SLCO2A1: variants seen among roughly 807,000 people sequenced by gnomAD.
The protein encoded by SLCO2A1 is solute carrier organic anion transporter family member 2A1, also known as matrin F/G 1.
Under a neutral mutation model 71.7 loss-of-function variants are expected in SLCO2A1, and 60 were observed. The ratio of observed to expected loss-of-function variants is 0.84; its 90% CI spans 0.68 to 1.04. The LOEUF (loss-of-function observed/expected upper bound fraction) is 1.04, where lower values mean the gene tolerates loss of function less well. Ranked by LOEUF, SLCO2A1 falls within the 50% of genes least tolerant of loss-of-function variation. The probability of loss-of-function intolerance (pLI) is 0.00; values close to 1 mark genes in which losing one functional copy is unlikely to be tolerated. For synonymous variants in SLCO2A1, 308 were observed against 326.7 expected (o/e 0.94, Z 0.62); for missense variants, 745 against 813.4 (o/e 0.92, Z 1.02).
chr3:133,951,496 TC>T, intron 5 of SLCO2A1, 152 bp from the exon 6 acceptor site: 1 of 897,782 alleles, frequency 1.1e-6, no homozygotes, highest in Non-Finnish European at 1.7e-6. Context: ...AAAACAACAT[TC>T]CCTCTCCCAG....
At chr3:134,000,837 G>C (rs1211199252) in intron 1 of SLCO2A1, among the ~76,000 whole-genome samples, 1 of 152,158 alleles carries the variant, frequency 6.6e-6, no homozygotes, top group Non-Finnish European at 1.5e-5. Context: ...TATTATGTCT[G>C]CTACCTTTTG....
intron 2 of SLCO2A1, among the ~76,000 whole-genome samples, chr3:133,977,118 C>T (rs1041374940): frequency 2.6e-5 from 4 of 152,174 alleles, no homozygotes; most frequent in African/African-American, 9.7e-5. Context: ...ATACTGTACA[C>T]AGACAGACAC....
At chr3:133,978,498 T>C (rs1039098223) in intron 2 of SLCO2A1, among the ~76,000 whole-genome samples, 1 of 152,108 alleles carries the variant, frequency 6.6e-6, no homozygotes, top group South Asian at 2.1e-4. Context: ...GAAAGCCTTA[T>C]TCCAGCAGGA....
intron 4 of SLCO2A1, among the ~76,000 whole-genome samples, chr3:133,954,066 C>T (rs1333722695): frequency 6.6e-5 from 10 of 151,146 alleles, no homozygotes; most frequent in South Asian, 2.1e-4. Context: ...TGGGGGCCCT[C>T]GGAGGAGCTC....
Position 133,948,569 on chromosome 3 carries a change from C to G in SLCO2A1, c.1072G>C (p.Gly358Arg). ...FLNKFLEKQYGTSAAYANFLI... is the reference protein window; with the variant it reads ...FLNKFLEKQYRTSAAYANFLI... The stretch of plus-strand genomic sequence containing the variant: ...AAGTTGGCATAGGCTGCTGAGGTGC[C>G]ATACTGCTTCTCCAGGAACTTGTTG... Residue 358 changes from glycine to arginine, a missense_variant, in exon 8 of 14, where the codon GGC (glycine) becomes CGC (arginine). By Grantham distance (125) the Gly-to-Arg change is moderately radical. Coordinates refer to ENST00000310926, the MANE Select transcript of SLCO2A1 (RefSeq NM_005630.3). 1.2e-6 allele frequency: 2 copies of G among 1,614,130 alleles called. No individual in the cohort carries two copies. Among genetic ancestry groups the G allele is most frequent in the Non-Finnish European group, 1.7e-6 (2 of 1,180,008 alleles).
rs1036866467 is a variant in SLCO2A1 at position 133,934,520 on chromosome 3, G to A, written c.*193C>T. The A allele has an allele frequency of 2.9e-5, 15 of 513,858 alleles. No homozygotes were observed. Among genetic ancestry groups the A allele is most frequent in the East Asian group, 7.0e-5 (2 of 28,642 alleles). 31.8% of individuals were successfully genotyped at this position (513,858 alleles called of 1,614,324 possible). ...CCCCCAGTTCTGGCCCACACAGCCC[G>A]GGTACACAGTGGCCCTTAGGAACTG... On this transcript the variant is annotated 3_prime_UTR_variant, in exon 14 of 14. Transcript: ENST00000310926.
chr3:134,027,442 C>G (rs566073311), intron 1 of SLCO2A1, among the ~76,000 whole-genome samples: 7 of 152,218 alleles, frequency 4.6e-5, no homozygotes, highest in African/African-American at 7.2e-5. Flanking sequence ...CCCCCAGTCA[C>G]GTACCCACTG....
intron 2 of SLCO2A1, among the ~76,000 whole-genome samples, chr3:133,974,430 T>C (rs1189932756): frequency 1.3e-5 from 2 of 152,312 alleles, no homozygotes; most frequent in Non-Finnish European, 1.5e-5. Context: ...TGAACCAGTC[T>C]TGCCTGACTC....
At chr3:133,946,978 G>T (rs537221238) in intron 9 of SLCO2A1, among the ~76,000 whole-genome samples, 1 of 152,228 alleles carries the variant, frequency 6.6e-6, no homozygotes, top group Non-Finnish European at 1.5e-5. Context: ...AGCCGGGTGT[G>T]GTGGTACACA....
chr3:134,029,736 A>T lies in SLCO2A1; in HGVS notation c.67T>A (p.Cys23Ser). 1.3e-6 allele frequency: 2 copies of T among 1,589,964 alleles called. No individual in the cohort carries two copies. The highest frequency in any genetic ancestry group is 1.7e-6 in the Non-Finnish European group (2 of 1,172,092). ...ATGTTGCCGAAGACCGAGCGGGCAC[A>T]GCGGCCGGCTCGGCTAGTAGAGGTG... is the stretch of plus-strand genomic sequence containing the variant. Reference protein sequence around the residue: ...SDTSTSRAGRCARSVFGNIKV... With the variant: ...SDTSTSRAGRSARSVFGNIKV... The change falls in exon 1 of 14, where the codon TGT becomes AGT. Residue 23 changes from cysteine to serine, a missense_variant. Coordinates refer to ENST00000310926, the MANE Select transcript of SLCO2A1 (RefSeq NM_005630.3).
intron 12 of SLCO2A1, 37 bp from the exon 13 acceptor site, chr3:133,935,934 C>A (rs370683397): frequency 1.3e-6 from 2 of 1,533,438 alleles, no homozygotes; most frequent in Admixed American, 3.8e-5. Context: ...TCAGGTGGAA[C>A]TGCAGGCAGA....
At chr3:133,955,519 A>T in intron 3 of SLCO2A1, 1 of 327,910 alleles carries the variant, frequency 3.0e-6, no homozygotes, top group South Asian at 4.5e-5. Context: ...GAGCACGGAG[A>T]AGTCAGTACC....
chr3:133,953,089 T>A (rs1933788501), intron 5 of SLCO2A1, among the ~76,000 whole-genome samples: 1 of 151,818 alleles, frequency 6.6e-6, no homozygotes, highest in Admixed American at 6.6e-5. Context: ...CAGGCTGGAG[T>A]GCAGTGGCAT....
At chr3:133,982,122 A>G (rs925227553) in intron 1 of SLCO2A1, among the ~76,000 whole-genome samples, 1 of 152,246 alleles carries the variant, frequency 6.6e-6, no homozygotes, top group Non-Finnish European at 1.5e-5. Context: ...CAAGACTGTG[A>G]CAGTGATGGG....
At chr3:133,976,204 C>T (rs1225295527) in intron 2 of SLCO2A1, among the ~76,000 whole-genome samples, 1 of 152,228 alleles carries the variant, frequency 6.6e-6, no homozygotes, top group Non-Finnish European at 1.5e-5. Context: ...GTGTGAGAGG[C>T]AGCTCCTGCC....
At chr3:133,938,196 A>AT (rs1229963109) in intron 12 of SLCO2A1, among the ~76,000 whole-genome samples, 2 of 152,082 alleles carry the variant, frequency 1.3e-5, no homozygotes, top group Non-Finnish European at 2.9e-5. Flanking sequence ...TTCACTTTTC[A>AT]TTTTTCTTAC....
intron 1 of SLCO2A1, among the ~76,000 whole-genome samples, chr3:134,029,488 ACTCG>A (rs766872144): frequency 0.046 from 5,998 of 130,840 alleles, 118 homozygotes; most frequent in Middle Eastern, 0.11. Flanking sequence ...ACACACACAC[ACTCG>A]CACGCACACA....
intron 1 of SLCO2A1, among the ~76,000 whole-genome samples, chr3:133,990,436 C>T (rs866007988): frequency 4.6e-5 from 7 of 152,260 alleles, no homozygotes; most frequent in South Asian, 2.1e-4. Flanking sequence ...CATTCTGTCC[C>T]GTTTTTCAAT....
intron 3 of SLCO2A1, among the ~76,000 whole-genome samples, chr3:133,959,622 C>T (rs1157498608): frequency 2.0e-5 from 3 of 152,062 alleles, no homozygotes; most frequent in South Asian, 2.1e-4. Flanking sequence ...CCCAGGAGTT[C>T]GAGACCAGCC....
Sources: gnomAD v4.1 joint callset for allele counts (sites outside exome capture counted in the v4.1 genomes callset) on GRCh38, gnomAD v4.1.1 for gene constraint, MANE v1.5 for transcripts, NCBI Gene and HGNC (gene_info 2026-07-23, HGNC 2026-07-21) for gene names.